The following NKAIN2 variants were observed in gnomAD, a reference collection of about 807,000 sequenced individuals.
NKAIN2 encodes the protein sodium/potassium transporting ATPase interacting 2.
Under a neutral mutation model 32.6 loss-of-function variants are expected in NKAIN2, and 14 were observed. The observed-to-expected ratio is 0.43, with a 90% CI of 0.28 to 0.67. The LOEUF is 0.67. Ranked by LOEUF, NKAIN2 falls within the 30% of genes least tolerant of loss-of-function variation. The probability of loss-of-function intolerance (pLI) is 0.17; values close to 1 mark genes in which losing one functional copy is unlikely to be tolerated. For missense variants in NKAIN2, 198 were observed against 258.3 expected (o/e 0.77, Z 1.60); for synonymous variants, 80 against 87.2 (o/e 0.92, Z 0.46).
chr6:124,018,589 G>A (rs1380849484), intron 1 of NKAIN2, among the ~76,000 whole-genome samples: 1 of 152,084 alleles, frequency 6.6e-6, no homozygotes, highest in African/African-American at 2.4e-5. Context: ...GTGGGGAGAA[G>A]AAATTCCCCC....
chr6:123,811,992 C>A (rs1773495777), intron 1 of NKAIN2, among the ~76,000 whole-genome samples: 1 of 152,280 alleles, frequency 6.6e-6, no homozygotes, highest in Middle Eastern at 3.4e-3. Flanking sequence ...AAACTGTGTT[C>A]TGTGGACACT....
chr6:124,350,430 G>A (rs1339681838), intron 2 of NKAIN2, among the ~76,000 whole-genome samples: 1 of 151,824 alleles, frequency 6.6e-6, no homozygotes, highest in Non-Finnish European at 1.5e-5. Context: ...ATGTAGAAAA[G>A]AATAAAAAAA....
chr6:124,376,112 T>G (rs1288016117), intron 3 of NKAIN2, among the ~76,000 whole-genome samples: 1 of 152,104 alleles, frequency 6.6e-6, no homozygotes, highest in Non-Finnish European at 1.5e-5. Flanking sequence ...ATTTAATTAC[T>G]CTCTAATTGG....
chr6:124,143,184 A>T (rs755045584), intron 1 of NKAIN2, among the ~76,000 whole-genome samples: 1 of 152,310 alleles, frequency 6.6e-6, no homozygotes, highest in South Asian at 2.1e-4. Context: ...TATCACTGGG[A>T]GCAGCAGCTC....
chr6:124,723,921 T>C (rs1285104530), intron 4 of NKAIN2, among the ~76,000 whole-genome samples: 1 of 152,258 alleles, frequency 6.6e-6, no homozygotes. Context: ...GGTATTTTTA[T>C]GCTTCTGAAA....
At chr6:124,395,061 T>G (rs1773319059) in intron 3 of NKAIN2, among the ~76,000 whole-genome samples, 1 of 152,168 alleles carries the variant, frequency 6.6e-6, no homozygotes, top group Non-Finnish European at 1.5e-5. Flanking sequence ...GAGTTAACAT[T>G]GAAGATGATT....
intron 3 of NKAIN2, among the ~76,000 whole-genome samples, chr6:124,433,886 T>C (rs1032459868): frequency 1.1e-4 from 16 of 152,198 alleles, no homozygotes; most frequent in African/African-American, 3.9e-4. Flanking sequence ...TGGGATTGTT[T>C]GTTTTTGCTG....
chr6:124,526,244 A>G (rs1779308644), intron 3 of NKAIN2, among the ~76,000 whole-genome samples: 1 of 152,180 alleles, frequency 6.6e-6, no homozygotes, highest in Non-Finnish European at 1.5e-5. Flanking sequence ...AAGTGCATTT[A>G]GCAGGGCAGG....
At chr6:124,113,940 G>A (rs534296053) in intron 1 of NKAIN2, among the ~76,000 whole-genome samples, 1 of 152,296 alleles carries the variant, frequency 6.6e-6, no homozygotes, top group East Asian at 1.9e-4. Context: ...CTGCCATCTT[G>A]CTGACATCAC....
intron 1 of NKAIN2, among the ~76,000 whole-genome samples, chr6:124,091,009 A>G (rs1784394423): frequency 6.6e-6 from 1 of 152,000 alleles, no homozygotes; most frequent in African/African-American, 2.4e-5. Context: ...CTGTCATAAC[A>G]ACTTAATAAT....
chr6:123,903,599 C>G (rs376242032), intron 1 of NKAIN2, among the ~76,000 whole-genome samples: 10 of 152,250 alleles, frequency 6.6e-5, no homozygotes, highest in African/African-American at 7.2e-5. Context: ...ACTTAGCCCC[C>G]TTTTTTCTCC....
At chr6:124,465,499 AG>A (rs890437506) in intron 3 of NKAIN2, among the ~76,000 whole-genome samples, 4 of 151,998 alleles carry the variant, frequency 2.6e-5, no homozygotes, top group African/African-American at 9.7e-5. Flanking sequence ...GGGCTAGATG[AG>A]GGACAGCATT....
chr6:124,248,404 T>C (rs1480419623), intron 1 of NKAIN2, among the ~76,000 whole-genome samples: 1 of 152,040 alleles, frequency 6.6e-6, no homozygotes, highest in African/African-American at 2.4e-5. Flanking sequence ...TATGTCTTCC[T>C]TCCCCCCCAC....
intron 4 of NKAIN2, among the ~76,000 whole-genome samples, chr6:124,678,920 C>A (rs556989990): frequency 1.3e-5 from 2 of 152,152 alleles, no homozygotes; most frequent in Non-Finnish European, 2.9e-5. Context: ...CTTCTCTGGA[C>A]TAGTGTGTGT....
intron 1 of NKAIN2, among the ~76,000 whole-genome samples, chr6:124,025,709 G>A (rs930680273): frequency 6.6e-6 from 1 of 152,220 alleles, no homozygotes; most frequent in African/African-American, 2.4e-5. Context: ...AGACGTAAGT[G>A]TGTGAGGTGA....
intron 3 of NKAIN2, among the ~76,000 whole-genome samples, chr6:124,442,019 G>T (rs141916648): frequency 4.6e-5 from 7 of 152,006 alleles, no homozygotes; most frequent in African/African-American, 1.7e-4. Context: ...GTCTTCTGTC[G>T]TGTTGGCAGG....
chr6:124,058,134 G>C (rs551317300), intron 1 of NKAIN2, among the ~76,000 whole-genome samples: 2 of 150,356 alleles, frequency 1.3e-5, no homozygotes, highest in Non-Finnish European at 3.0e-5. Flanking sequence ...GAACTCTGAA[G>C]AAAACTTCTA....
chr6:123,825,745 A>T (rs561598398), intron 1 of NKAIN2, among the ~76,000 whole-genome samples: 2 of 152,206 alleles, frequency 1.3e-5, no homozygotes, highest in South Asian at 4.2e-4. Context: ...TCATCTATTA[A>T]AATCCCCCAC....
intron 3 of NKAIN2, among the ~76,000 whole-genome samples, chr6:124,474,868 A>ACATATATAATATATG (rs1283723239): frequency 6.8e-6 from 1 of 147,346 alleles, no homozygotes; most frequent in Non-Finnish European, 1.5e-5. Context: ...TATTTTATAT[A>ACATATATAATATATG]CATATATTGT....
Sources: gnomAD v4.1 joint callset for allele counts (sites outside exome capture counted in the v4.1 genomes callset) on GRCh38, gnomAD v4.1.1 for gene constraint, MANE v1.5 for transcripts, NCBI Gene and HGNC (gene_info 2026-07-23, HGNC 2026-07-21) for gene names.